The following CEP290 variants were observed in gnomAD, a reference collection of about 807,000 sequenced individuals.
The protein encoded by CEP290 is centrosomal protein 290, also known as centrosomal protein of 290 kDa.
A neutral mutation model predicts 344.9 loss-of-function variants in CEP290; 317 were observed. The observed-to-expected ratio is 0.92, with a 90% CI of 0.84 to 1.01. The LOEUF (loss-of-function observed/expected upper bound fraction) is 1.01. Ranked by LOEUF, CEP290 falls within the 50% of genes least tolerant of loss-of-function variation. The probability of loss-of-function intolerance (pLI) is 0.00; values close to 1 mark genes in which losing one functional copy is unlikely to be tolerated. For synonymous variants in CEP290, 932 were observed against 895.8 expected (o/e 1.04, Z -0.72); for missense variants, 2,754 against 2,761.4 (o/e 1.00, Z 0.06).
At position 88,109,003 on chromosome 12, in the gene CEP290, G is replaced by T. The variant is rs545850772; in HGVS notation, c.2483+63C>A. 6 of 562,374 alleles carry T rather than the reference G, an allele frequency of 1.1e-5. No individual in the cohort carries two copies. In the Admixed American group the frequency reaches 2.1e-4, roughly 20 times the overall value. The allele number at this position is 562,374 out of a possible 1,614,324, so 34.8% of individuals were successfully genotyped here. ...AGAACAAAACATAAATTATTCTTACGTTACTTTCACAATTAACAAGAATAT... is the reference window on the plus strand; with the variant it reads ...AGAACAAAACATAAATTATTCTTACTTTACTTTCACAATTAACAAGAATAT... On this transcript the variant is annotated intron_variant, in intron 23 of 53. Coordinates refer to ENST00000552810, the MANE Select transcript of CEP290 (RefSeq NM_025114.4).
At chr12:88,133,029 C>T (rs1435075284) in intron 6 of CEP290, among the ~76,000 whole-genome samples, 1 of 151,442 alleles carries the variant, frequency 6.6e-6, no homozygotes, top group East Asian at 1.9e-4. Flanking sequence ...TAATGGCTTC[C>T]ACCTCCATCC....
chr12:88,126,869 A>C (rs1416569906), intron 11 of CEP290, among the ~76,000 whole-genome samples: 1 of 152,224 alleles, frequency 6.6e-6, no homozygotes, highest in Non-Finnish European at 1.5e-5. Context: ...TAACATAAAA[A>C]GGTTTATCCT....
At chr12:88,073,780 A>G (rs1211829146) in intron 41 of CEP290, among the ~76,000 whole-genome samples, 1 of 152,198 alleles carries the variant, frequency 6.6e-6, no homozygotes, top group African/African-American at 2.4e-5. Flanking sequence ...AATTAAAAAA[A>G]TATGAAATAA....
intron 32 of CEP290, among the ~76,000 whole-genome samples, chr12:88,087,505 G>T (rs2036673546): frequency 6.6e-6 from 1 of 151,878 alleles, no homozygotes; most frequent in Non-Finnish European, 1.5e-5. Context: ...CGGATCATGA[G>T]GTCAGGAGAT....
intron 48 of CEP290, 49 bp from the exon 49 acceptor site, chr12:88,059,069 C>A: frequency 7.1e-7 from 1 of 1,410,804 alleles, no homozygotes; most frequent in South Asian, 1.4e-5. Flanking sequence ...TAATACTGTT[C>A]TCATAGATTC....
At chr12:88,113,729 C>T (rs571266854) in intron 20 of CEP290, among the ~76,000 whole-genome samples, 94 of 151,522 alleles carry the variant, frequency 6.2e-4, no homozygotes, top group Non-Finnish European at 1.2e-3. Flanking sequence ...TTCTCAAGTC[C>T]CTATATGGTA....
chr12:88,096,820 A>G, intron 27 of CEP290, 68 bp downstream of exon 27: 2 of 789,708 alleles, frequency 2.5e-6, no homozygotes, highest in Non-Finnish European at 4.0e-6. Context: ...ATAAAAAAGG[A>G]ACTTTAAATA....
At chr12:88,101,614 C>T (rs1292787047) in intron 26 of CEP290, among the ~76,000 whole-genome samples, 2 of 145,958 alleles carry the variant, frequency 1.4e-5, no homozygotes, top group South Asian at 2.2e-4. Flanking sequence ...AAGCCGAGAT[C>T]GTGCCACTGC....
chr12:88,111,799 T>C lies in CEP290; in HGVS notation c.2112A>G (p.Gln704=). ...CATTTCTTCCGGTAAGCTGATCAAC[T>C]TGGGCTTTCAAATGCAGACTCGCAT... The part of the protein sequence containing the change: ...IFDASLHLKA[Q]VDQLTGRNEE... The change falls in exon 21 of 54, where the codon CAA becomes CAG. Residue 704 remains glutamine (Q), a synonymous_variant. Coordinates refer to ENST00000552810, the MANE Select transcript of CEP290 (RefSeq NM_025114.4). 1 of 1,606,890 alleles carries C rather than the reference T, an allele frequency of 6.2e-7. No individual in the cohort carries two copies. Among genetic ancestry groups the C allele is most frequent in the Non-Finnish European group, 8.5e-7 (1 of 1,176,958 alleles).
At chr12:88,077,953 T>G in intron 39 of CEP290, 35 bp from the exon 40 acceptor site, 1 of 895,182 alleles carries the variant, frequency 1.1e-6, no homozygotes. Flanking sequence ...TATTCATGAC[T>G]CTTCAAGAAG....
Position 88,115,193 on chromosome 12 carries a change from CAG to C in CEP290, c.1825-13_1825-12del, listed in dbSNP as rs367600498. On this transcript the variant is annotated splice_polypyrimidine_tract_variant and intron_variant, in intron 18 of 53. Coordinates refer to ENST00000552810, the MANE Select transcript of CEP290 (RefSeq NM_025114.4). ...TGAAAGAAATTCATTCTGAAAAAAG[CAG>C]AGAGAATAAAATTGATTTTTTTCAA... 0.01 allele frequency: 13,750 copies of C among 1,328,984 alleles called. 89 individuals are homozygous for C. Among genetic ancestry groups the C allele is most frequent in the Non-Finnish European group, 0.013 (12,020 of 958,274 alleles). The allele number at this position is 1,328,984 out of a possible 1,614,324, so 82.3% of individuals were successfully genotyped here.
At chr12:88,065,888 T>C (rs2471507) in intron 44 of CEP290, among the ~76,000 whole-genome samples, 134,103 of 152,198 alleles carry the variant, frequency 0.88, 59,963 homozygotes, top group East Asian at 0.99. Context: ...TCTAATGTAA[T>C]GCTCTCTTGT....
chr12:88,049,606 G>A, intron 53 of CEP290, 192 bp from the exon 54 acceptor site: 1 of 462,064 alleles, frequency 2.2e-6, no homozygotes, highest in Non-Finnish European at 3.8e-6. Context: ...TAACTGTCAA[G>A]TCCAGTTATG....
chr12:88,139,056 T>G, intron 5 of CEP290, 89 bp downstream of exon 5: 1 of 707,174 alleles, frequency 1.4e-6, no homozygotes, highest in Non-Finnish European at 2.4e-6. Flanking sequence ...TCCTTATAAT[T>G]TTTCCAGCCA....
chr12:88,104,265 GC>G (rs2038112619), intron 25 of CEP290: 1 of 151,994 alleles, frequency 6.6e-6, no homozygotes, highest in South Asian at 2.1e-4. Flanking sequence ...AAGAACCCAA[GC>G]CCATTTTAAT....
intron 7 of CEP290, among the ~76,000 whole-genome samples, 198 bp downstream of exon 7, chr12:88,130,967 A>G (rs898364873): frequency 2.6e-5 from 4 of 152,116 alleles, no homozygotes; most frequent in African/African-American, 9.7e-5. Flanking sequence ...TAGACCTGAG[A>G]TGAATGTAAT....
rs748248497 is a variant in CEP290, at chr12:88,106,791, T to C, written c.2701A>G (p.Thr901Ala). 3 of 1,609,470 alleles carry C rather than the reference T, an allele frequency of 1.9e-6. No individual in the cohort carries two copies. The highest frequency in any genetic ancestry group is 2.2e-5 in the South Asian group (2 of 90,504). Reference sequence around the variant, plus strand: ...TGTCGCTCCAATTCTACTAAGGTTGTATATTGCCTTATAAGTGATTTTTCA... The same window carrying C: ...TGTCGCTCCAATTCTACTAAGGTTGCATATTGCCTTATAAGTGATTTTTCA... ...VNEKSLIRQY[T>A]TLVELERQLR... The change falls in exon 25 of 54, where the codon ACA becomes GCA. Residue 901 changes from threonine (T) to alanine (A), a missense_variant. Physicochemically the swap from Thr to Ala is moderately conservative, Grantham distance 58. Coordinates refer to ENST00000552810, the MANE Select transcript of CEP290 (RefSeq NM_025114.4).
intron 26 of CEP290, among the ~76,000 whole-genome samples, chr12:88,099,982 TA>T (rs869058639): frequency 7.4e-4 from 105 of 142,688 alleles, no homozygotes; most frequent in Middle Eastern, 3.6e-3. Flanking sequence ...TGGTCTCCTT[TA>T]AAAAAAAAAA....
rs1282835260 is a variant in CEP290 at position 88,123,288 on chromosome 12, T to C, written c.1189+1958A>G. Among the ~76,000 whole-genome samples, 11 of 152,218 alleles carry C rather than the reference T, an allele frequency of 7.2e-5. 1 individual carries two copies. The highest frequency in any genetic ancestry group is 2.6e-4 in the African/African-American group (11 of 41,562). On this transcript the variant is annotated intron_variant, in intron 13 of 53. Transcript: ENST00000552810. ...CTTAAAGAGAAAAATGTTTTCTTAA[T>C]CCCTCTTTCCCCTCAAGCTACCACC...
Sources: gnomAD v4.1 joint callset for allele counts (sites outside exome capture counted in the v4.1 genomes callset) on GRCh38, gnomAD v4.1.1 for gene constraint, MANE v1.5 for transcripts, NCBI Gene and HGNC (gene_info 2026-07-23, HGNC 2026-07-21) for gene names.